NPAS4: variants seen among roughly 807,000 people sequenced by gnomAD.
NPAS4 encodes the protein neuronal PAS domain protein 4.
NPAS4 carries 10 observed loss-of-function variants against 64.0 expected under a neutral mutation model. The observed-to-expected ratio is 0.16, with a 90% CI of 0.10 to 0.26. The LOEUF (loss-of-function observed/expected upper bound fraction) is 0.26. Among genes scored for constraint, NPAS4 ranks in the 10% least tolerant of loss-of-function variants. The pLI, the probability that NPAS4 is intolerant of heterozygous loss-of-function variation, is 1.00. For synonymous variants in NPAS4, 441 were observed against 411.7 expected (o/e 1.07, Z -0.86); for missense variants, 886 against 992.6 (o/e 0.89, Z 1.44).
At chr11:66,425,354 T>A (rs1276681630) in intron 7 of NPAS4, 84 bp downstream of exon 7, 1 of 691,080 alleles carries the variant, frequency 1.4e-6, no homozygotes, top group African/African-American at 1.8e-5. Context: ...CAATTCCCCC[T>A]CTCTGTACAT....
chr11:66,424,318 C>T lies in NPAS4; in HGVS notation c.1428C>T (p.Thr476=). Residue 476 remains threonine (T), a synonymous_variant, in exon 7 of 8, where the codon ACC becomes ACT. Coordinates refer to ENST00000311034, the MANE Select transcript of NPAS4 (RefSeq NM_178864.4). ...ATCAGTTGACGCCCAGCAGTGCAAC[C>T]TTCCCAGATCCACTAACTAGCCCAC... ...FSDQLTPSSA[T]FPDPLTSPLQ... 1 of 1,614,200 alleles carries T rather than the reference C, an allele frequency of 6.2e-7. No individual in the cohort carries two copies. The highest frequency in any genetic ancestry group is 8.5e-7 in the Non-Finnish European group (1 of 1,180,042).
the NPAS4 span, chr11:66,410,144 T>C: frequency 4.6e-5 from 7 of 152,258 alleles, no homozygotes; most frequent in Admixed American, 3.3e-4. Context: ...CTCTGCTCTC[T>C]CCCTGCAGCA....
chr11:66,424,231 T>C lies in NPAS4; in HGVS notation c.1341T>C (p.His447=). The change falls in exon 7 of 8, where the codon CAT becomes CAC. Residue 447 remains histidine (H), a synonymous_variant. Coordinates refer to ENST00000311034, the MANE Select transcript of NPAS4 (RefSeq NM_178864.4). ...LFSLHEPFQT[H]LPTPSSTLQE... ...GCCTCCATGAGCCCTTCCAGACCCA[T>C]TTGCCCACCCCATCCAGCACTCTTC... 1 of 1,613,942 alleles carries C rather than the reference T, an allele frequency of 6.2e-7. No individual in the cohort carries two copies. The highest frequency in any genetic ancestry group is 8.5e-7 in the Non-Finnish European group (1 of 1,179,976).
chr11:66,422,214 C>A lies in NPAS4; in HGVS notation c.270C>A (p.Ala90=), dbSNP rs748640840. 1 of 1,613,996 alleles carries A rather than the reference C, an allele frequency of 6.2e-7. No individual in the cohort carries two copies. The highest frequency in any genetic ancestry group is 8.5e-7 in the Non-Finnish European group (1 of 1,179,990). ...ALPGFLLVFT[A]EGKLLYLSES... ...CCGGCTTTCTGCTTGTGTTCACAGC[C>A]GAGGGGAAATTGCTCTACCTGTCTG... Residue 90 remains alanine, a synonymous_variant, in exon 2 of 8, where the codon GCC becomes GCA. Coordinates refer to ENST00000311034, the MANE Select transcript of NPAS4 (RefSeq NM_178864.4).
At chr11:66,420,953 C>A, upstream of NPAS4, 1 of 516,412 alleles carries the variant, frequency 1.9e-6, no homozygotes, top group East Asian at 3.2e-5. Context: ...GCCCAGCCTC[C>A]CGCTCTCCCG....
the NPAS4 span, among the ~76,000 whole-genome samples, chr11:66,415,403 A>C: frequency 2.6e-5 from 4 of 152,164 alleles, no homozygotes; most frequent in African/African-American, 7.2e-5. Flanking sequence ...AAAGAGAAAC[A>C]AGTGGAGATA....
chr11:66,423,014 G>A, intron 4 of NPAS4, 73 bp downstream of exon 4: 1 of 1,555,016 alleles, frequency 6.4e-7, no homozygotes, highest in South Asian at 1.1e-5. Context: ...CTGGAGTCAG[G>A]GGCAGGGAGG....
intron 4 of NPAS4, 38 bp downstream of exon 4, chr11:66,422,979 G>A: frequency 1.3e-6 from 2 of 1,593,640 alleles, no homozygotes; most frequent in Non-Finnish European, 1.7e-6. Flanking sequence ...AGAAAGGCAG[G>A]CCAGAGATGA....
Position 66,425,138 on chromosome 11 carries a change from G to T in NPAS4, c.2248G>T (p.Asp750Tyr), listed in dbSNP as rs139929410. ...GCCTTGCAACAACCTGTCCCCAGAA[G>T]ACCACAGCTTCCTGGAGGACCTGGC... The part of the protein sequence containing the change: ...PSPCNNLSPE[D>Y]HSFLEDLATY... Residue 750 changes from aspartate to tyrosine, a missense_variant, in exon 7 of 8, where the codon GAC becomes TAC. Coordinates refer to ENST00000311034, the MANE Select transcript of NPAS4 (RefSeq NM_178864.4). 55 of 1,606,250 alleles carry T rather than the reference G, an allele frequency of 3.4e-5. No individual in the cohort carries two copies. The East Asian group carries it at 1.2e-3, about 36-fold the overall frequency.
chr11:66,421,461 G>A (rs2134640935), intron 1 of NPAS4, 107 bp downstream of exon 1: 1 of 1,007,324 alleles, frequency 9.9e-7, no homozygotes, highest in South Asian at 1.5e-5. Context: ...GTGCTGGCGA[G>A]CTGGGGAGAT....
At position 66,425,983 on chromosome 11, in the gene NPAS4, GT is replaced by G. The variant is rs1169521864; in HGVS notation, c.2407del (p.Ter803GlufsTer2). The part of the protein sequence containing the change: ...HEDGSGGEPT[F>X] ...CAGATGGAAGTGGAGGGGAACCAACGTTTTGAATAAGTCTGTGACTTAACGT... is the reference window on the plus strand; with the variant it reads ...CAGATGGAAGTGGAGGGGAACCAACGTTTGAATAAGTCTGTGACTTAACGT... On this transcript the variant is annotated frameshift_variant, in exon 8 of 8. Coordinates refer to ENST00000311034, the MANE Select transcript of NPAS4 (RefSeq NM_178864.4). LOFTEE classifies it high-confidence loss of function. 1 of 1,611,962 alleles carries G rather than the reference GT, an allele frequency of 6.2e-7. No individual in the cohort carries two copies. Among genetic ancestry groups the G allele is most frequent in the Non-Finnish European group, 8.5e-7 (1 of 1,178,040 alleles).
the NPAS4 span, among the ~76,000 whole-genome samples, chr11:66,411,887 T>C: frequency 0.57 from 87,213 of 152,100 alleles, 27,794 homozygotes; most frequent in South Asian, 0.79. Flanking sequence ...CCTGTAGATT[T>C]CCTCTCTGTT....
At chr11:66,415,137 G>C in the NPAS4 span, among the ~76,000 whole-genome samples, 1 of 152,168 alleles carries the variant, frequency 6.6e-6, no homozygotes, top group Non-Finnish European at 1.5e-5. Context: ...AATAGGGATG[G>C]AATGGGGTAC....
upstream of NPAS4, among the ~76,000 whole-genome samples, chr11:66,417,511 C>T (rs1856684574): frequency 6.6e-6 from 1 of 151,970 alleles, no homozygotes; most frequent in African/African-American, 2.4e-5. Context: ...TTGCATGCAA[C>T]AAGAGAGCTT....
chr11:66,422,644 TC>T (rs1224729378), intron 3 of NPAS4, 29 bp from the exon 4 acceptor site: 1 of 1,612,606 alleles, frequency 6.2e-7, no homozygotes, highest in Admixed American at 1.7e-5. Context: ...CCACTCACCC[TC>T]TTATCTGTTT....
Position 66,422,196 on chromosome 11 carries a change from T to C in NPAS4, c.252T>C (p.Phe84=). 1.2e-6 allele frequency: 2 copies of C among 1,614,098 alleles called. No homozygotes were observed. The highest frequency in any genetic ancestry group is 1.7e-6 in the Non-Finnish European group (2 of 1,180,010). Residue 84 remains phenylalanine, a synonymous_variant, in exon 2 of 8, where the codon TTT becomes TTC. Coordinates refer to ENST00000311034, the MANE Select transcript of NPAS4 (RefSeq NM_178864.4). ...ACATCGTAGCGGCACTACCCGGCTT[T>C]CTGCTTGTGTTCACAGCCGAGGGGA... is the stretch of plus-strand genomic sequence containing the variant. ...LEDIVAALPG[F]LLVFTAEGKL...
At chr11:66,417,935 A>G (rs1175084991), upstream of NPAS4, among the ~76,000 whole-genome samples, 3 of 152,294 alleles carry the variant, frequency 2.0e-5, no homozygotes, top group Non-Finnish European at 4.4e-5. Flanking sequence ...ACCTCCAGAC[A>G]GGTTTGGAGG....
At position 66,424,432 on chromosome 11, in the gene NPAS4, C is replaced by A; in HGVS notation, c.1542C>A (p.Pro514=). The change falls in exon 7 of 8, where the codon CCC becomes CCA. Residue 514 remains proline (P), a synonymous_variant. Coordinates refer to ENST00000311034, the MANE Select transcript of NPAS4 (RefSeq NM_178864.4). ...CTSTFPDQLL[P]STATFPEPLG... The stretch of plus-strand genomic sequence containing the variant: ...CCACCTTCCCAGACCAGCTGCTTCC[C>A]AGCACAGCCACCTTCCCAGAGCCTC... The A allele has an allele frequency of 1.2e-6, 2 of 1,614,160 alleles. No individual in the cohort carries two copies. Among genetic ancestry groups the A allele is most frequent in the Non-Finnish European group, 8.5e-7 (1 of 1,180,030 alleles).
At chr11:66,422,322 T>G in intron 2 of NPAS4, 51 bp downstream of exon 2, 1 of 1,585,080 alleles carries the variant, frequency 6.3e-7, no homozygotes, top group South Asian at 1.1e-5. Context: ...GTGGGTGCCG[T>G]GAGCCTTCCA....
Sources: allele counts gnomAD v4.1 joint callset (sites outside exome capture counted in the v4.1 genomes callset), GRCh38; gene constraint gnomAD v4.1.1; transcripts MANE v1.5; gene names NCBI Gene and HGNC (gene_info 2026-07-23, HGNC 2026-07-21).